The following CYFIP1 variants were observed in gnomAD, a reference collection of about 807,000 sequenced individuals.
CYFIP1 encodes the protein cytoplasmic FMR1 interacting protein 1.
In CYFIP1, 58 loss-of-function variants were observed where a neutral mutation model predicts 163.5. That is an observed-to-expected ratio of 0.35 (90% CI 0.29 to 0.44). CYFIP1 has a LOEUF of 0.44. Ranked by LOEUF, CYFIP1 falls within the 20% of genes least tolerant of loss-of-function variation. The probability of loss-of-function intolerance (pLI) is 1.00; values close to 1 mark genes in which losing one functional copy is unlikely to be tolerated. For synonymous variants in CYFIP1, 663 were observed against 660.7 expected, an observed-to-expected ratio of 1.00 and a Z score of -0.05; for missense variants, 1,338 against 1,653.8, an observed-to-expected ratio of 0.81 and a Z score of 3.31.
intron 13 of CYFIP1, among the ~76,000 whole-genome samples, chr15:22,925,432 G>C (rs1010433912): frequency 6.6e-6 from 1 of 152,146 alleles, no homozygotes; most frequent in African/African-American, 2.4e-5. Context: ...CAGCGTGAGG[G>C]TTGGACGGAA....
At chr15:22,971,207 A>G (rs941217680) in intron 1 of CYFIP1, among the ~76,000 whole-genome samples, 1 of 152,230 alleles carries the variant, frequency 6.6e-6, no homozygotes, top group Admixed American at 6.5e-5. Context: ...AGATTTGGCA[A>G]TGATTTCTTG....
intron 1 of CYFIP1, among the ~76,000 whole-genome samples, chr15:22,962,665 A>C (rs1000137424): frequency 6.6e-6 from 1 of 151,984 alleles, no homozygotes; most frequent in African/African-American, 2.4e-5. Context: ...CGGCCTCCCA[A>C]AGTGCTGAGA....
At position 22,868,296 on chromosome 15, in the gene CYFIP1, G is replaced by C. The variant is rs902480063; in HGVS notation, c.*1732C>G. The C allele has an allele frequency of 1.3e-5, 2 of 152,092 alleles. No individual in the cohort carries two copies. Among genetic ancestry groups the C allele is most frequent in the Non-Finnish European group, 2.9e-5 (2 of 68,024 alleles). 9.4% of individuals were successfully genotyped at this position (152,092 alleles called of 1,614,324 possible). A position where few individuals can be genotyped will look rare whatever the true frequency, so the allele number is the denominator to read the frequency against. On this transcript the variant is annotated 3_prime_UTR_variant, in exon 31 of 31. Coordinates refer to ENST00000617928, the MANE Select transcript of CYFIP1 (RefSeq NM_014608.6). ...TATACTGTACCTACATCTGTGCTTT[G>C]TACATAAAAGAACCAGTTTTCTCCC... is the stretch of plus-strand genomic sequence containing the variant.
At chr15:22,904,723 A>T (rs547030682) in intron 21 of CYFIP1, 6 of 152,354 alleles carry the variant, frequency 3.9e-5, no homozygotes, top group South Asian at 2.1e-4. Flanking sequence ...ACTCAAAATC[A>T]TATTTGGCCA....
rs74435708 is a variant in CYFIP1 at position 22,908,483 on chromosome 15, C to T, written c.2388+711G>A. Among the ~76,000 whole-genome samples the T allele has an allele frequency of 8.9e-3, 1,329 of 148,516 alleles. 25 individuals are homozygous for T. The highest frequency in any genetic ancestry group is 0.031 in the African/African-American group (1,253 of 39,946). Reference sequence around the variant, plus strand: ...GGGTAGAAGAATTAGCAGGAAGACCCTTGTGGGCTCTCTTGGTCCCTAAAG... The same window carrying T: ...GGGTAGAAGAATTAGCAGGAAGACCTTTGTGGGCTCTCTTGGTCCCTAAAG... On this transcript the variant is annotated intron_variant, in intron 21 of 30. Coordinates refer to ENST00000617928, the MANE Select transcript of CYFIP1 (RefSeq NM_014608.6).
chr15:22,895,013 C>T (rs1384525514), intron 22 of CYFIP1, among the ~76,000 whole-genome samples: 1 of 148,866 alleles, frequency 6.7e-6, no homozygotes, highest in Non-Finnish European at 1.5e-5. Flanking sequence ...CCATGCCTGG[C>T]TAATTTTTTT....
chr15:22,933,093 C>T (rs2061591077), intron 10 of CYFIP1, among the ~76,000 whole-genome samples: 1 of 152,124 alleles, frequency 6.6e-6, no homozygotes, highest in African/African-American at 2.4e-5. Flanking sequence ...CTCGGCCTCC[C>T]AAAGTGCTGG....
intron 1 of CYFIP1, among the ~76,000 whole-genome samples, chr15:22,975,326 C>T (rs2063228823): frequency 6.7e-6 from 1 of 149,944 alleles, no homozygotes; most frequent in African/African-American, 2.4e-5. Flanking sequence ...TAAAATTAGC[C>T]AGGCATGGTG....
Position 22,931,678 on chromosome 15 carries a change from G to A in CYFIP1, c.1110+545C>T, listed in dbSNP as rs144142664. Among the ~76,000 whole-genome samples, 21 of 31,468 alleles carry A rather than the reference G, an allele frequency of 6.7e-4. 1 individual carries two copies. Among genetic ancestry groups the A allele is most frequent in the African/African-American group, 2.5e-3 (18 of 7,162 alleles). 20.6% of individuals were successfully genotyped at this position (31,468 alleles called of 152,430 possible). Reference sequence around the variant, plus strand: ...TCCTTTCTCTTGGGATCCCTATAATGTTTTTCTGAAAAAAAAAAAAAAAAA... The same window carrying A: ...TCCTTTCTCTTGGGATCCCTATAATATTTTTCTGAAAAAAAAAAAAAAAAA... On this transcript the variant is annotated intron_variant, in intron 11 of 30. Coordinates refer to ENST00000617928, the MANE Select transcript of CYFIP1 (RefSeq NM_014608.6).
At chr15:22,972,946 G>A (rs1167427506) in intron 1 of CYFIP1, among the ~76,000 whole-genome samples, 3 of 152,074 alleles carry the variant, frequency 2.0e-5, no homozygotes, top group Non-Finnish European at 4.4e-5. Context: ...GACTAGCCTG[G>A]CCAACATGGT....
chr15:22,977,009 G>A (rs917567818), intron 1 of CYFIP1, among the ~76,000 whole-genome samples: 1 of 152,152 alleles, frequency 6.6e-6, no homozygotes. Flanking sequence ...AGACCAGCCT[G>A]ACCAACACGG....
intron 23 of CYFIP1, among the ~76,000 whole-genome samples, chr15:22,885,549 G>A (rs1048480620): frequency 7.9e-5 from 12 of 152,240 alleles, no homozygotes; most frequent in South Asian, 2.1e-4. Context: ...TGGCCAACAC[G>A]GTGAAACTCT....
chr15:22,867,103 T>A lies in CYFIP1; in HGVS notation c.*2925A>T, dbSNP rs1460872791. 11 of 485,862 alleles carry A rather than the reference T, an allele frequency of 2.3e-5. 1 individual carries two copies. Among genetic ancestry groups the A allele is most frequent in the Non-Finnish European group, 3.9e-5 (11 of 279,066 alleles). The allele number at this position is 485,862 out of a possible 1,614,324, so 30.1% of individuals were successfully genotyped here. A position where few individuals can be genotyped will look rare whatever the true frequency, so the allele number is the denominator to read the frequency against. ...AAGTATTTTACATTTTCATCCCTTC[T>A]CCAAAAGCCGAATGCACTAATGACA... On this transcript the variant is annotated 3_prime_UTR_variant, in exon 31 of 31. Coordinates refer to ENST00000617928, the MANE Select transcript of CYFIP1 (RefSeq NM_014608.6).
intron 11 of CYFIP1, among the ~76,000 whole-genome samples, chr15:22,929,757 A>G (rs367853768): frequency 3.4e-5 from 5 of 147,472 alleles, no homozygotes; most frequent in African/African-American, 1.3e-4. Flanking sequence ...AACACAGTGA[A>G]ACCCCATCTC....
At position 22,882,931 on chromosome 15, in the gene CYFIP1, C is replaced by T. The variant is rs373546799; in HGVS notation, c.2757G>A (p.Arg919=). 5.6e-6 allele frequency: 9 copies of T among 1,613,906 alleles called. No individual in the cohort carries two copies. The highest frequency in any genetic ancestry group is 7.6e-6 in the Non-Finnish European group (9 of 1,179,968). The change falls in exon 24 of 31, where the codon CGG becomes CGA. Residue 919 remains arginine, a synonymous_variant. Transcript: ENST00000617928. Reference sequence around the variant, plus strand: ...CGGCGATACCCTGGTAGCCGAGAAGCCGGCAGATGACTTGAAAGTGTGGAG... The same window carrying T: ...CGGCGATACCCTGGTAGCCGAGAAGTCGGCAGATGACTTGAAAGTGTGGAG... The part of the protein sequence containing the change: ...VGPPHFQVIC[R]LLGYQGIAVV...
At chr15:22,879,372 C>T (rs996791028) in intron 26 of CYFIP1, among the ~76,000 whole-genome samples, 5 of 152,114 alleles carry the variant, frequency 3.3e-5, no homozygotes, top group African/African-American at 7.2e-5. Context: ...CACAAAAAGG[C>T]GGCCAGTCGA....
intron 11 of CYFIP1, among the ~76,000 whole-genome samples, chr15:22,930,946 G>A (rs1450429666): frequency 1.3e-5 from 2 of 152,246 alleles, no homozygotes; most frequent in African/African-American, 2.4e-5. Flanking sequence ...CCACTCGCTC[G>A]CCACTCACTC....
intron 16 of CYFIP1, among the ~76,000 whole-genome samples, chr15:22,915,507 T>C (rs1021590187): frequency 1.3e-5 from 2 of 152,010 alleles, no homozygotes; most frequent in Non-Finnish European, 2.9e-5. Context: ...TCCTAGCACT[T>C]TGGGAGGCCG....
chr15:22,943,093 C>T (rs1447704915), intron 6 of CYFIP1, 80 bp downstream of exon 6: 18 of 1,379,572 alleles, frequency 1.3e-5, no homozygotes, highest in Non-Finnish European at 1.5e-5. Flanking sequence ...CAAACAAAGA[C>T]GCACACCTGC....
Sources: allele counts gnomAD v4.1 joint callset (sites outside exome capture counted in the v4.1 genomes callset), GRCh38; gene constraint gnomAD v4.1.1; transcripts MANE v1.5; gene names NCBI Gene and HGNC (gene_info 2026-07-23, HGNC 2026-07-21).